TENM3: variants seen among roughly 807,000 people sequenced by gnomAD.
TENM3 encodes teneurin transmembrane protein 3, also known as teneurin-3.
In TENM3, 63 loss-of-function variants were observed where a neutral mutation model predicts 255.1. The observed-to-expected ratio is 0.25, with a 90% CI of 0.20 to 0.30. TENM3 has a LOEUF of 0.30. Ranked by LOEUF, TENM3 falls within the 10% of genes least tolerant of loss-of-function variation. TENM3 has a pLI of 1.00. For missense variants in TENM3, 2,929 were observed against 3,461.1 expected (o/e 0.85, Z 3.86); for synonymous variants, 1,306 against 1,322.3 (o/e 0.99, Z 0.27).
At chr4:182,544,197 G>C (rs1054845071) in intron 3 of TENM3, among the ~76,000 whole-genome samples, 11 of 152,104 alleles carry the variant, frequency 7.2e-5, no homozygotes, top group African/African-American at 2.7e-4. Context: ...TGCAGAAAGA[G>C]AGCAGTACTC....
chr4:182,384,769 C>T (rs535713342), intron 3 of TENM3, among the ~76,000 whole-genome samples: 2 of 152,208 alleles, frequency 1.3e-5, no homozygotes, highest in South Asian at 4.2e-4. Flanking sequence ...TTTTTTCAGA[C>T]TCCTTTCATG....
At chr4:182,588,622 T>C (rs1204031917) in intron 3 of TENM3, among the ~76,000 whole-genome samples, 1 of 152,194 alleles carries the variant, frequency 6.6e-6, no homozygotes, top group Non-Finnish European at 1.5e-5. Context: ...TTGCTTACTC[T>C]CTCAGGTAAA....
chr4:182,308,777 T>A (rs1165969236), intron 1 of TENM3, among the ~76,000 whole-genome samples: 1 of 152,244 alleles, frequency 6.6e-6, no homozygotes, highest in Non-Finnish European at 1.5e-5. Flanking sequence ...GTATTGTGCC[T>A]ATGCATTTTA....
chr4:182,403,288 G>A (rs1223836294), intron 3 of TENM3, among the ~76,000 whole-genome samples: 1 of 152,092 alleles, frequency 6.6e-6, no homozygotes, highest in Non-Finnish European at 1.5e-5. Context: ...AGAGCATAAG[G>A]AATTATTCTG....
chr4:181,968,990 C>A, the TENM3 span, among the ~76,000 whole-genome samples: 10,877 of 94,492 alleles, frequency 0.12, 499 homozygotes, highest in African/African-American at 0.21. Flanking sequence ...CTCTCTCTCT[C>A]TCTATATACA....
intron 3 of TENM3, among the ~76,000 whole-genome samples, chr4:182,480,386 G>A (rs935191350): frequency 6.6e-5 from 10 of 151,952 alleles, no homozygotes; most frequent in African/African-American, 1.4e-4. Flanking sequence ...TCTTGGTATC[G>A]TTAATTGTTT....
the TENM3 span, among the ~76,000 whole-genome samples, chr4:181,616,348 C>CACAT: frequency 7.7e-6 from 1 of 129,368 alleles, no homozygotes; most frequent in Non-Finnish European, 1.6e-5. Context: ...CACACACACA[C>CACAT]GTATGCATAT....
At chr4:181,503,034 A>C in the TENM3 span, among the ~76,000 whole-genome samples, 1 of 152,094 alleles carries the variant, frequency 6.6e-6, no homozygotes, top group Admixed American at 6.5e-5. Flanking sequence ...TAAAAATGGG[A>C]AGACACTTTG....
At chr4:182,582,078 T>C (rs1468637424) in intron 3 of TENM3, among the ~76,000 whole-genome samples, 1 of 152,232 alleles carries the variant, frequency 6.6e-6, no homozygotes, top group African/African-American at 2.4e-5. Context: ...ATATGCAGTG[T>C]AGTTTCCCTG....
At chr4:181,965,593 A>G in the TENM3 span, among the ~76,000 whole-genome samples, 5 of 152,220 alleles carry the variant, frequency 3.3e-5, no homozygotes, top group East Asian at 3.9e-4. Context: ...CTTACCCCCA[A>G]TAAGTACTTA....
At chr4:182,656,759 A>T (rs890773609) in intron 6 of TENM3, among the ~76,000 whole-genome samples, 1 of 152,238 alleles carries the variant, frequency 6.6e-6, no homozygotes, top group Non-Finnish European at 1.5e-5. Flanking sequence ...TTGTAAATAT[A>T]ATTCTAAGGA....
intron 2 of TENM3, among the ~76,000 whole-genome samples, chr4:182,326,511 C>A (rs1763420073): frequency 7.3e-6 from 1 of 137,760 alleles, no homozygotes; most frequent in Non-Finnish European, 1.6e-5. Context: ...TTATTGCAGT[C>A]AATTTTTTAA....
At chr4:182,227,574 T>G (rs1449242485) in intron 1 of TENM3, among the ~76,000 whole-genome samples, 1 of 152,030 alleles carries the variant, frequency 6.6e-6, no homozygotes, top group Admixed American at 6.6e-5. Flanking sequence ...TGAGAAACAA[T>G]GAAACTAGCT....
At chr4:181,832,997 C>CA in the TENM3 span, among the ~76,000 whole-genome samples, 1 of 151,882 alleles carries the variant, frequency 6.6e-6, no homozygotes, top group African/African-American at 2.4e-5. Context: ...TGTGAGCAAG[C>CA]AAAAAATAAT....
chr4:182,297,485 G>A (rs146289486), intron 1 of TENM3, among the ~76,000 whole-genome samples: 449 of 152,252 alleles, frequency 2.9e-3, no homozygotes, highest in African/African-American at 0.01. Context: ...GATGAAAATA[G>A]TAATTCACCA....
chr4:181,552,784 C>G, the TENM3 span, among the ~76,000 whole-genome samples: 1 of 152,220 alleles, frequency 6.6e-6, no homozygotes, highest in Non-Finnish European at 1.5e-5. Flanking sequence ...GAAACCACTT[C>G]CTTAGGACAA....
the TENM3 span, among the ~76,000 whole-genome samples, chr4:182,125,857 T>G: frequency 1.3e-5 from 2 of 150,294 alleles, no homozygotes; most frequent in Non-Finnish European, 3.0e-5. Flanking sequence ...AATGATAATA[T>G]AGAGCATAAA....
chr4:182,215,121 T>A (rs897231659), intron 1 of TENM3, among the ~76,000 whole-genome samples: 1 of 152,264 alleles, frequency 6.6e-6, no homozygotes, highest in East Asian at 1.9e-4. Flanking sequence ...AGAGTGCAAA[T>A]GAAGTGCTGA....
chr4:182,331,801 G>T (rs1440355835), intron 2 of TENM3, among the ~76,000 whole-genome samples: 1 of 152,000 alleles, frequency 6.6e-6, no homozygotes, highest in African/African-American at 2.4e-5. Flanking sequence ...ATACTGTGCA[G>T]AAGAAGAACA....
Sources: allele counts gnomAD v4.1 joint callset (sites outside exome capture counted in the v4.1 genomes callset), GRCh38; gene constraint gnomAD v4.1.1; transcripts MANE v1.5; gene names NCBI Gene and HGNC (gene_info 2026-07-23, HGNC 2026-07-21).